Variants in SLC35F3 observed in about 807,000 individuals in gnomAD.
SLC35F3 encodes solute carrier family 35 member F3, also known as putative thiamine transporter SLC35F3.
A neutral mutation model predicts 49.9 loss-of-function variants in SLC35F3; 25 were observed. The ratio of observed to expected loss-of-function variants is 0.50; its 90% CI spans 0.37 to 0.70. SLC35F3 has a LOEUF of 0.70. Among genes scored for constraint, SLC35F3 ranks in the 30% least tolerant of loss-of-function variants. SLC35F3 has a pLI of 0.00. For missense variants in SLC35F3, 525 were observed against 639.8 expected (o/e 0.82, Z 1.94); for synonymous variants, 275 against 265.4 (o/e 1.04, Z -0.35).
chr1:233,941,121 G>A (rs1033584212), intron 2 of SLC35F3, among the ~76,000 whole-genome samples: 1 of 152,118 alleles, frequency 6.6e-6, no homozygotes, highest in African/African-American at 2.4e-5. Context: ...TCCACACACC[G>A]TATATGGTTA....
chr1:234,221,992 G>T (rs975466582), intron 2 of SLC35F3, among the ~76,000 whole-genome samples: 5 of 152,180 alleles, frequency 3.3e-5, no homozygotes, highest in Admixed American at 3.3e-4. Context: ...TTGAGACCAG[G>T]AACAATAAGG....
At chr1:233,964,781 C>T (rs993815886) in intron 2 of SLC35F3, among the ~76,000 whole-genome samples, 6 of 152,172 alleles carry the variant, frequency 3.9e-5, no homozygotes, top group African/African-American at 9.7e-5. Flanking sequence ...TGATGAGTTC[C>T]TTTGAGGGCT....
At chr1:234,250,878 A>G (rs1353716398) in intron 3 of SLC35F3, among the ~76,000 whole-genome samples, 2 of 152,252 alleles carry the variant, frequency 1.3e-5, no homozygotes, top group East Asian at 1.9e-4. Flanking sequence ...GAACTCACTC[A>G]TTACTGCAAA....
chr1:234,189,920 C>T (rs1390251547), intron 2 of SLC35F3, among the ~76,000 whole-genome samples: 1 of 152,134 alleles, frequency 6.6e-6, no homozygotes. Flanking sequence ...TATTCAGCCT[C>T]CTTAAACAAA....
chr1:233,970,359 A>G (rs1425175577), intron 2 of SLC35F3, among the ~76,000 whole-genome samples: 2 of 152,252 alleles, frequency 1.3e-5, no homozygotes, highest in Admixed American at 1.3e-4. Flanking sequence ...AGGATGGATC[A>G]GACCTCGAGT....
chr1:234,198,178 G>T (rs1010991680), intron 2 of SLC35F3, among the ~76,000 whole-genome samples: 1 of 152,242 alleles, frequency 6.6e-6, no homozygotes, highest in East Asian at 1.9e-4. Flanking sequence ...TTTTGCTCAG[G>T]TAAGAAATGA....
At chr1:234,229,344 G>C (rs1348570854) in intron 2 of SLC35F3, among the ~76,000 whole-genome samples, 1 of 151,362 alleles carries the variant, frequency 6.6e-6, no homozygotes, top group Admixed American at 6.6e-5. Flanking sequence ...AATTTTTTTT[G>C]TAATTGTTCA....
intron 3 of SLC35F3, among the ~76,000 whole-genome samples, chr1:234,275,600 C>T (rs541815295): frequency 5.0e-4 from 75 of 150,708 alleles, no homozygotes; most frequent in African/African-American, 1.7e-3. Flanking sequence ...GACAGACAGA[C>T]AGACACACAC....
chr1:234,112,556 C>CTTTTTTTTTTT lies in SLC35F3; in HGVS notation c.284-118854_284-118844dup, dbSNP rs777353110. Among the ~76,000 whole-genome samples, 109 of 116,348 alleles carry CTTTTTTTTTTT rather than the reference C, an allele frequency of 9.4e-4. 2 individuals are homozygous for CTTTTTTTTTTT. Among genetic ancestry groups the CTTTTTTTTTTT allele is most frequent in the Non-Finnish European group, 1.2e-3 (69 of 56,380 alleles). The allele number at this position is 116,348 out of a possible 152,430, so 76.3% of individuals were successfully genotyped here. ...TTTTGTGAAGTTTATAATTCACACT[C>CTTTTTTTTTTT]TTTTTTTTTTTTTTTTTGAGACAGA... is the stretch of plus-strand genomic sequence containing the variant. On this transcript the variant is annotated intron_variant, in intron 2 of 7. Transcript: ENST00000366618.
chr1:234,268,341 C>G (rs963342922), intron 3 of SLC35F3, among the ~76,000 whole-genome samples: 10 of 72,294 alleles, frequency 1.4e-4, no homozygotes, highest in South Asian at 1.6e-3. Context: ...TGCAATCGCA[C>G]GCACTCGGCA....
intron 3 of SLC35F3, among the ~76,000 whole-genome samples, chr1:234,278,213 G>A (rs982469586): frequency 7.9e-5 from 12 of 151,900 alleles, no homozygotes; most frequent in South Asian, 2.1e-4. Context: ...TAAAAGGGCC[G>A]GGTGCGGTGG....
rs1056091796 is a variant in SLC35F3, at chr1:234,307,780, C to T, written c.609-1321C>T. Among the ~76,000 whole-genome samples the T allele has an allele frequency of 3.3e-4, 50 of 152,200 alleles. 1 individual carries two copies. Among genetic ancestry groups the T allele is most frequent in the Non-Finnish European group, 5.6e-4 (38 of 68,034 alleles). On this transcript the variant is annotated intron_variant, in intron 3 of 7. Transcript: ENST00000366618. ...GGCAGTGCAGCACCATGTCCATGAG[C>T]CTGGACAGGGACTTCCATGAAGCAG...
At chr1:234,161,612 T>A (rs537716874) in intron 2 of SLC35F3, among the ~76,000 whole-genome samples, 53 of 152,178 alleles carry the variant, frequency 3.5e-4, no homozygotes, top group African/African-American at 1.3e-3. Context: ...ATTTTCCAGT[T>A]GCTAGCAGCT....
intron 2 of SLC35F3, among the ~76,000 whole-genome samples, chr1:234,041,211 G>A (rs915333572): frequency 1.3e-5 from 2 of 152,112 alleles, no homozygotes; most frequent in Non-Finnish European, 2.9e-5. Flanking sequence ...AATTCTCAAT[G>A]GCTTAACACA....
chr1:234,285,916 G>A (rs1173234998), intron 3 of SLC35F3, among the ~76,000 whole-genome samples: 1 of 152,156 alleles, frequency 6.6e-6, no homozygotes, highest in Non-Finnish European at 1.5e-5. Flanking sequence ...CCAAAGATGT[G>A]TGTCCCTTAT....
intron 2 of SLC35F3, among the ~76,000 whole-genome samples, chr1:234,200,380 T>C (rs184666498): frequency 7.2e-5 from 11 of 152,348 alleles, no homozygotes; most frequent in Admixed American, 6.5e-4. Context: ...TAATTTCTTA[T>C]TAGATATATA....
intron 3 of SLC35F3, among the ~76,000 whole-genome samples, chr1:234,257,111 CTG>C (rs1667831736): frequency 1.3e-5 from 2 of 152,122 alleles, no homozygotes; most frequent in African/African-American, 4.8e-5. Flanking sequence ...ATTTTTTAAA[CTG>C]AGATAAGTAG....
At chr1:234,209,616 G>A (rs1667021507) in intron 2 of SLC35F3, among the ~76,000 whole-genome samples, 1 of 152,112 alleles carries the variant, frequency 6.6e-6, no homozygotes, top group African/African-American at 2.4e-5. Context: ...GGGGTAGCAG[G>A]ATAGGGCAGG....
At chr1:233,933,792 G>A (rs944358610) in intron 2 of SLC35F3, among the ~76,000 whole-genome samples, 2 of 152,224 alleles carry the variant, frequency 1.3e-5, no homozygotes, top group African/African-American at 2.4e-5. Context: ...GGCGCAGGCT[G>A]CAGTGGGTGG....
Sources: allele counts gnomAD v4.1 joint callset (sites outside exome capture counted in the v4.1 genomes callset), GRCh38; gene constraint gnomAD v4.1.1; transcripts MANE v1.5; gene names NCBI Gene and HGNC (gene_info 2026-07-23, HGNC 2026-07-21).